The following ETS2 variants were observed in gnomAD, a reference collection of about 807,000 sequenced individuals.
The protein encoded by ETS2 is ETS proto-oncogene 2, transcription factor.
Under a neutral mutation model 54.9 loss-of-function variants are expected in ETS2, and 19 were observed. The ratio of observed to expected loss-of-function variants is 0.35; its 90% confidence interval spans 0.24 to 0.51. The LOEUF is 0.51. Ranked by LOEUF, ETS2 falls within the 20% of genes least tolerant of loss-of-function variation. The probability of loss-of-function intolerance (pLI) is 0.97; values close to 1 mark genes in which losing one functional copy is unlikely to be tolerated. For synonymous variants in ETS2, 219 were observed against 229.3 expected (o/e 0.95, Z 0.41); for missense variants, 417 against 593.0 (o/e 0.70, Z 3.08).
Position 38,816,114 on chromosome 21 carries a change from AAAT to A in ETS2, c.506-891_506-889del, listed in dbSNP as rs200769822. Among the ~76,000 whole-genome samples the A allele has an allele frequency of 1.7e-3, 172 of 98,404 alleles. 33 individuals are homozygous for A. Among genetic ancestry groups the A allele is most frequent in the Non-Finnish European group, 2.4e-3 (101 of 41,432 alleles). The allele number at this position is 98,404 out of a possible 152,430, so 64.6% of individuals were successfully genotyped here. A position where few individuals can be genotyped will look rare whatever the true frequency, so the allele number is the denominator to read the frequency against. ...GAGGGAGGGAGGGAGGGAGGGAAAG[AAAT>A]AAAATACAGTAGGGATTATTTAGGT... On this transcript the variant is annotated intron_variant, in intron 5 of 9. Coordinates refer to ENST00000360938, the MANE Select transcript of ETS2 (RefSeq NM_005239.6).
chr21:38,815,075 G>T, intron 5 of ETS2, 94 bp downstream of exon 5: 1 of 1,257,820 alleles, frequency 8.0e-7, no homozygotes, highest in Non-Finnish European at 1.1e-6. Context: ...TCAACCTTAG[G>T]GTTGCCACTT....
Position 38,813,048 on chromosome 21 carries a change from T to C in ETS2, c.118T>C (p.Phe40Leu). Residue 40 changes from phenylalanine (F) to leucine (L), a missense_variant, in exon 3 of 10, where the codon TTT becomes CTT. By Grantham distance (22) the Phe-to-Leu change is conservative. Coordinates refer to ENST00000360938, the MANE Select transcript of ETS2 (RefSeq NM_005239.6). Reference sequence around the variant, plus strand: ...CTTTGATGGGTCCCTGTTTGCTGTTTTTCCTTCTCTAAATGAAGAGCAAAC... The same window carrying C: ...CTTTGATGGGTCCCTGTTTGCTGTTCTTCCTTCTCTAAATGAAGAGCAAAC... ...DTFDGSLFAV[F>L]PSLNEEQTLQ... The C allele has an allele frequency of 6.2e-7, 1 of 1,614,224 alleles. No individual in the cohort carries two copies. Among genetic ancestry groups the C allele is most frequent in the Admixed American group, 1.7e-5 (1 of 60,036 alleles).
In ETS2 at chr21:38,824,844, G is replaced by A. The variant is rs2060972993; in HGVS notation, c.*1955G>A. The A allele has an allele frequency of 6.6e-6, 1 of 152,552 alleles. No homozygotes were observed. The highest frequency in any genetic ancestry group is 2.1e-4 in the South Asian group (1 of 4,824). 9.4% of individuals were successfully genotyped at this position (152,552 alleles called of 1,614,324 possible). ...TCATGGGGTTCAGCCTAACAGTTAT[G>A]GAAACTACAGTCCTTATAAACCATT... is the stretch of plus-strand genomic sequence containing the variant. On this transcript the variant is annotated 3_prime_UTR_variant, in exon 10 of 10. Coordinates refer to ENST00000360938, the MANE Select transcript of ETS2 (RefSeq NM_005239.6).
rs2060907931 is a variant in ETS2 at position 38,810,050 on chromosome 21, A to G, written c.16A>G (p.Ile6Val). Reference protein sequence around the residue: MNDFGIKNMDQVAPVA... With the variant: MNDFGVKNMDQVAPVA... Reference sequence around the variant, plus strand: ...CTTTTTTAAGATGAATGATTTCGGAATCAAGAATATGGACCAGGTAGCCCC... The same window carrying G: ...CTTTTTTAAGATGAATGATTTCGGAGTCAAGAATATGGACCAGGTAGCCCC... Residue 6 changes from isoleucine to valine, a missense_variant, in exon 2 of 10, where the codon ATC (isoleucine) becomes GTC (valine). By Grantham distance (29) the Ile-to-Val change is conservative. Around this residue, in one of 3 missense-constraint regions of ETS2, gnomAD observed 326 missense variants for 426.1 expected, o/e 0.76. Transcript: ENST00000360938. 6.4e-7 allele frequency: 1 copy of G among 1,570,726 alleles called. No individual in the cohort carries two copies. Among genetic ancestry groups the G allele is most frequent in the East Asian group, 2.4e-5 (1 of 41,834 alleles).
At chr21:38,816,934 T>C (rs1432302639) in intron 5 of ETS2, 74 bp from the exon 6 acceptor site, 1 of 818,108 alleles carries the variant, frequency 1.2e-6, no homozygotes, top group African/African-American at 1.7e-5. Context: ...CTCACAGGAA[T>C]TCAGAAAGTC....
Position 38,818,482 on chromosome 21 carries a change from G to T in ETS2, c.647G>T (p.Gly216Val). ...CAGACACAGAATTACCCCAAAGGCG[G>T]CCTCCTGGACAGCATGTGTCCGGCC... is the stretch of plus-strand genomic sequence containing the variant. ...GMQTQNYPKGGLLDSMCPAST... is the reference protein window; with the variant it reads ...GMQTQNYPKGVLLDSMCPAST... The change falls in exon 7 of 10, where the codon GGC (glycine) becomes GTC (valine). Residue 216 changes from glycine (G) to valine (V), a missense_variant. This residue lies in a region of ETS2 where 326 missense variants were observed against 426.1 expected (regional missense o/e 0.76). Coordinates refer to ENST00000360938, the MANE Select transcript of ETS2 (RefSeq NM_005239.6). 1 of 1,614,148 alleles carries T rather than the reference G, an allele frequency of 6.2e-7. No homozygotes were observed. Among genetic ancestry groups the T allele is most frequent in the Non-Finnish European group, 8.5e-7 (1 of 1,180,032 alleles).
chr21:38,814,638 G>C lies in ETS2; in HGVS notation c.305-143G>C. Reference sequence around the variant, plus strand: ...AATGTGCCTGGGTCGTGTCAGAATGGTGACGTGTCATCATGGTATCTTGCT... The same window carrying C: ...AATGTGCCTGGGTCGTGTCAGAATGCTGACGTGTCATCATGGTATCTTGCT... On this transcript the variant is annotated intron_variant, in intron 4 of 9. Coordinates refer to ENST00000360938, the MANE Select transcript of ETS2 (RefSeq NM_005239.6). The surrounding 1 kb of genome is among the most constrained non-coding windows in gnomAD (Gnocchi z 4.2). The C allele has an allele frequency of 1.2e-6, 1 of 807,928 alleles. No individual in the cohort carries two copies. The highest frequency in any genetic ancestry group is 2.0e-6 in the Non-Finnish European group (1 of 504,870). 50.0% of individuals were successfully genotyped at this position (807,928 alleles called of 1,614,324 possible).
At chr21:38,816,868 C>T in intron 5 of ETS2, 140 bp from the exon 6 acceptor site, 1 of 551,308 alleles carries the variant, frequency 1.8e-6, no homozygotes. Flanking sequence ...GGACGTGGAG[C>T]ACCATGAGAT....
Position 38,818,669 on chromosome 21 carries a change from A to G in ETS2, c.811+23A>G, listed in dbSNP as rs202193691. 10 of 1,613,544 alleles carry G rather than the reference A, an allele frequency of 6.2e-6. No individual in the cohort carries two copies. In the East Asian group the frequency reaches 2.2e-4, roughly 36 times the overall value. On this transcript the variant is annotated intron_variant, in intron 7 of 9. Transcript: ENST00000360938. Reference sequence around the variant, plus strand: ...CTGGTAAGATTGGAAGCATCTTTCAACAAGGCTGTTGCTTTGATTCTGAGA... The same window carrying G: ...CTGGTAAGATTGGAAGCATCTTTCAGCAAGGCTGTTGCTTTGATTCTGAGA...
At chr21:38,817,493 T>C (rs942372476) in intron 6 of ETS2, among the ~76,000 whole-genome samples, 3 of 152,250 alleles carry the variant, frequency 2.0e-5, no homozygotes, top group Non-Finnish European at 2.9e-5. Flanking sequence ...CGATCTTCCA[T>C]AGGTCAGCAC....
intron 2 of ETS2, 35 bp from the exon 3 acceptor site, chr21:38,812,968 T>C (rs746129661): frequency 1.4e-6 from 2 of 1,403,352 alleles, no homozygotes; most frequent in African/African-American, 1.4e-5. Context: ...AGTTTAAATA[T>C]TGTATTTCCA....
rs1569024606 is a variant in ETS2, at chr21:38,817,092, G to A, written c.589+1G>A. 6.3e-7 allele frequency: 1 copy of A among 1,587,068 alleles called. No individual in the cohort carries two copies. The highest frequency in any genetic ancestry group is 8.7e-7 in the Non-Finnish European group (1 of 1,155,728). ...CATTGGATTAACAGCAATACATTAG[G>A]TCAGTCCGATTGATTCTGCCCTTAA... On this transcript the variant is annotated splice_donor_variant, in intron 6 of 9. Coordinates refer to ENST00000360938, the MANE Select transcript of ETS2 (RefSeq NM_005239.6). LOFTEE classifies it high-confidence loss of function.
At chr21:38,812,471 T>C (rs866648879) in intron 2 of ETS2, among the ~76,000 whole-genome samples, 1 of 152,248 alleles carries the variant, frequency 6.6e-6, no homozygotes, top group Non-Finnish European at 1.5e-5. Flanking sequence ...ACTCCGACTC[T>C]GTGAGGTTAC....
chr21:38,806,072 C>G lies in ETS2; in HGVS notation c.-49C>G, dbSNP rs904430725. ...GCGCGCACCGAGCAGCCGCGGGCGC[C>G]GAGCAGCCACCGTCCCGACCAAGCG... On this transcript the variant is annotated 5_prime_UTR_variant, in exon 1 of 10. Transcript: ENST00000360938. The surrounding 1 kb of genome is among the most constrained non-coding windows in gnomAD (Gnocchi z 4.3). 3.5e-5 allele frequency: 40 copies of G among 1,156,048 alleles called. No individual in the cohort carries two copies. Among genetic ancestry groups the G allele is most frequent in the Non-Finnish European group, 3.8e-5 (35 of 930,256 alleles). 71.6% of individuals were successfully genotyped at this position (1,156,048 alleles called of 1,614,324 possible).
chr21:38,814,485 G>C lies in ETS2; in HGVS notation c.304+93G>C. The C allele has an allele frequency of 6.7e-7, 1 of 1,496,394 alleles. No individual in the cohort carries two copies. Among genetic ancestry groups the C allele is most frequent in the African/African-American group, 1.4e-5 (1 of 72,116 alleles). 92.7% of individuals were successfully genotyped at this position (1,496,394 alleles called of 1,614,324 possible). On this transcript the variant is annotated intron_variant, in intron 4 of 9. Coordinates refer to ENST00000360938, the MANE Select transcript of ETS2 (RefSeq NM_005239.6). The surrounding 1 kb of genome is among the most constrained non-coding windows in gnomAD (Gnocchi z 4.2). ...GACTTGTTTATTAAGCTTTTGCTTG[G>C]GGTATTCTGCAAAGAGTAGCATGGA... is the stretch of plus-strand genomic sequence containing the variant.
chr21:38,814,794 G>A lies in ETS2; in HGVS notation c.318G>A (p.Trp106Ter). The A allele has an allele frequency of 6.2e-7, 1 of 1,614,100 alleles. No homozygotes were observed. The highest frequency in any genetic ancestry group is 8.5e-7 in the Non-Finnish European group (1 of 1,179,988). Residue 106 changes from tryptophan to a stop codon, truncating the protein, a stop_gained, in exon 5 of 10, where the codon TGG becomes TGA. Transcript: ENST00000360938. LOFTEE classifies it high-confidence loss of function. The surrounding 1 kb of genome is among the most constrained non-coding windows in gnomAD (Gnocchi z 4.2). Reference sequence around the variant, plus strand: ...CTCTCCTGGTAGACCCCTGGCTGTGGAGTGAGCAACAGGTATGCCAGTGGC... The same window carrying A: ...CTCTCCTGGTAGACCCCTGGCTGTGAAGTGAGCAACAGGTATGCCAGTGGC... ...RLGIPKNPWL[W>*]SEQQVCQWLL...
rs960245120 is a variant in ETS2, at chr21:38,806,757, G to T, written c.-1+637G>T. 1 of 985,522 alleles carries T rather than the reference G, an allele frequency of 1.0e-6. No individual in the cohort carries two copies. The highest frequency in any genetic ancestry group is 1.2e-6 in the Non-Finnish European group (1 of 829,974). 61.0% of individuals were successfully genotyped at this position (985,522 alleles called of 1,614,324 possible). The stretch of plus-strand genomic sequence containing the variant: ...GGGAACCTGTCGGAAATGAGATCTG[G>T]TTGCGCTGGGCTGCCTTTATTTTCT... On this transcript the variant is annotated intron_variant, in intron 1 of 9. Transcript: ENST00000360938. The surrounding 1 kb of genome is among the most constrained non-coding windows in gnomAD (Gnocchi z 4.3).
chr21:38,806,557 C>G lies in ETS2; in HGVS notation c.-1+437C>G. 1 of 985,470 alleles carries G rather than the reference C, an allele frequency of 1.0e-6. No homozygotes were observed. The highest frequency in any genetic ancestry group is 1.2e-6 in the Non-Finnish European group (1 of 830,006). 61.0% of individuals were successfully genotyped at this position (985,470 alleles called of 1,614,324 possible). A position where few individuals can be genotyped will look rare whatever the true frequency, so the allele number is the denominator to read the frequency against. ...GAGCGTGTCCGAGGTGGCCTGGCGC[C>G]CCGGCTTTGAGGGTGACTTCCTGGA... On this transcript the variant is annotated intron_variant, in intron 1 of 9. Transcript: ENST00000360938. This position sits in a 1 kb window ranked among gnomAD's most constrained non-coding sequence, Gnocchi z 4.3.
chr21:38,823,065 T>G lies in ETS2; in HGVS notation c.*176T>G. 2.1e-6 allele frequency: 1 copy of G among 468,032 alleles called. No individual in the cohort carries two copies. The highest frequency in any genetic ancestry group is 3.7e-6 in the Non-Finnish European group (1 of 269,600). The allele number at this position is 468,032 out of a possible 1,614,324, so 29.0% of individuals were successfully genotyped here. ...CGCCTCTTGACCAGGCTGCCTCCCT[T>G]GTGGCAGCAACGGCACAGCTAATTC... On this transcript the variant is annotated 3_prime_UTR_variant, in exon 10 of 10. Transcript: ENST00000360938.
Sources: allele counts gnomAD v4.1 joint callset (sites outside exome capture counted in the v4.1 genomes callset), GRCh38; gene constraint gnomAD v4.1.1; regional missense constraint gnomAD v4.1.1; non-coding constraint Gnocchi (gnomAD v3.1); transcripts MANE v1.5; gene names NCBI Gene and HGNC (gene_info 2026-07-23, HGNC 2026-07-21).